CLMP: variants seen among roughly 807,000 people sequenced by gnomAD.
CLMP encodes the protein CXADR like cell adhesion molecule, also known as CXADR-like membrane protein.
A neutral mutation model predicts 45.2 loss-of-function variants in CLMP; 27 were observed. That is an observed-to-expected ratio of 0.60 (90% confidence interval 0.44 to 0.82). The LOEUF is 0.82. Among genes scored for constraint, CLMP ranks in the 40% least tolerant of loss-of-function variants. The pLI, the probability that CLMP is intolerant of heterozygous loss-of-function variation, is 0.00. For synonymous variants in CLMP, 167 were observed against 171.4 expected, an observed-to-expected ratio of 0.97 and a Z score of 0.20; for missense variants, 403 against 448.4, an observed-to-expected ratio of 0.90 and a Z score of 0.91.
At chr11:123,098,351 G>A (rs968788600) in intron 1 of CLMP, among the ~76,000 whole-genome samples, 5 of 151,422 alleles carry the variant, frequency 3.3e-5, no homozygotes, top group Admixed American at 1.3e-4. Flanking sequence ...CCTTAGCCTC[G>A]TGAGTAGCTG....
chr11:123,183,142 A>G (rs534130360), intron 1 of CLMP, among the ~76,000 whole-genome samples: 2 of 152,230 alleles, frequency 1.3e-5, no homozygotes, highest in South Asian at 4.1e-4. Flanking sequence ...ATTCTGGTTC[A>G]GTGGGTCTGG....
At chr11:123,098,192 CCTTA>C (rs1440405762) in intron 1 of CLMP, among the ~76,000 whole-genome samples, 2 of 152,114 alleles carry the variant, frequency 1.3e-5, no homozygotes, top group Admixed American at 6.6e-5. Context: ...GTCTTTCTTA[CCTTA>C]CTTGGTCTTT....
chr11:123,159,395 C>T (rs933194337), intron 1 of CLMP, among the ~76,000 whole-genome samples: 8 of 152,114 alleles, frequency 5.3e-5, no homozygotes, highest in East Asian at 3.8e-4. Flanking sequence ...GAAACAGGTG[C>T]GGTGGGTGAG....
At chr11:123,102,842 C>T (rs1028695957) in intron 1 of CLMP, among the ~76,000 whole-genome samples, 5 of 151,426 alleles carry the variant, frequency 3.3e-5, no homozygotes, top group Non-Finnish European at 5.9e-5. Context: ...CAGGTGTGAG[C>T]TACCACGCCC....
At chr11:123,094,872 G>T (rs1203310986) in intron 2 of CLMP, among the ~76,000 whole-genome samples, 1 of 152,152 alleles carries the variant, frequency 6.6e-6, no homozygotes, top group Non-Finnish European at 1.5e-5. Flanking sequence ...CTGGGTTCAA[G>T]CAATCTACCC....
At chr11:123,179,840 C>T (rs1203472464) in intron 1 of CLMP, among the ~76,000 whole-genome samples, 2 of 152,222 alleles carry the variant, frequency 1.3e-5, no homozygotes, top group Admixed American at 6.5e-5. Context: ...AAGGAAAGTC[C>T]ACCCTAACTT....
intron 1 of CLMP, among the ~76,000 whole-genome samples, chr11:123,098,701 ATTTT>A (rs1156546713): frequency 1.3e-4 from 15 of 112,650 alleles, no homozygotes; most frequent in African/African-American, 4.5e-4. Flanking sequence ...ATCCTGGCTA[ATTTT>A]TTTTTTTTTT....
intron 1 of CLMP, among the ~76,000 whole-genome samples, chr11:123,120,452 A>C (rs1860798969): frequency 6.6e-6 from 1 of 152,074 alleles, no homozygotes; most frequent in Non-Finnish European, 1.5e-5. Context: ...ATTATAAGAT[A>C]ATTGTTAAAA....
At chr11:123,126,955 A>G (rs1179138401) in intron 1 of CLMP, among the ~76,000 whole-genome samples, 11 of 151,980 alleles carry the variant, frequency 7.2e-5, no homozygotes. Flanking sequence ...TTATAATTGT[A>G]TGAAAAAGAC....
rs528304588 is a variant in CLMP at position 123,079,740 on chromosome 11, C to T, written c.679+3345G>A. ...GATTACAGGCGTGAGCCACTGCACC[C>T]GGCCTGACTGTTGTGTTTTTAAGAA... On this transcript the variant is annotated intron_variant, in intron 5 of 6. Transcript: ENST00000448775. Among the ~76,000 whole-genome samples the T allele has an allele frequency of 5.3e-5, 8 of 152,306 alleles. No individual in the cohort carries two copies. In the East Asian group the frequency reaches 1.2e-3, roughly 22 times the overall value.
chr11:123,185,670 C>G (rs1861825667), intron 1 of CLMP, among the ~76,000 whole-genome samples: 2 of 152,148 alleles, frequency 1.3e-5, no homozygotes, highest in African/African-American at 4.8e-5. Flanking sequence ...TACCAGGCCT[C>G]CGCTGAAAAC....
In CLMP at chr11:123,134,117, A is replaced by G. The variant is rs374152366; in HGVS notation, c.29-36165T>C. On this transcript the variant is annotated intron_variant, in intron 1 of 6. Coordinates refer to ENST00000448775, the MANE Select transcript of CLMP (RefSeq NM_024769.5). Reference sequence around the variant, plus strand: ...TCTACTAAAAATACAAAAATTCGCCAGGCGTGGTGGCACACACCTGTAATC... The same window carrying G: ...TCTACTAAAAATACAAAAATTCGCCGGGCGTGGTGGCACACACCTGTAATC... 2.6e-5 allele frequency among the ~76,000 whole-genome samples: 4 copies of G among 152,060 alleles called. No individual in the cohort carries two copies. The South Asian group carries it at 8.3e-4, about 32-fold the overall frequency.
chr11:123,104,315 A>G (rs1338092136), intron 1 of CLMP, among the ~76,000 whole-genome samples: 1 of 150,592 alleles, frequency 6.6e-6, no homozygotes, highest in Non-Finnish European at 1.5e-5. Context: ...TCCTGGCCTC[A>G]AGTGATCTGC....
chr11:123,080,776 G>A (rs1024267377), intron 5 of CLMP, among the ~76,000 whole-genome samples: 1 of 152,146 alleles, frequency 6.6e-6, no homozygotes, highest in Non-Finnish European at 1.5e-5. Context: ...ACCAAAATAG[G>A]CACAGAATGT....
chr11:123,096,028 G>A (rs1865984153), intron 2 of CLMP, among the ~76,000 whole-genome samples: 1 of 152,094 alleles, frequency 6.6e-6, no homozygotes, highest in Non-Finnish European at 1.5e-5. Flanking sequence ...ATTCAGAACT[G>A]AGAGTATCAA....
In CLMP at chr11:123,092,676, C is replaced by G. The variant is rs559785928; in HGVS notation, c.186+5119G>C. On this transcript the variant is annotated intron_variant, in intron 2 of 6. Coordinates refer to ENST00000448775, the MANE Select transcript of CLMP (RefSeq NM_024769.5). ...ACAGTGATGCAATCTCAGCTCCCTG[C>G]AACCTTCGCCTCCTGGGTTCAAGTG... is the stretch of plus-strand genomic sequence containing the variant. 2.6e-5 allele frequency among the ~76,000 whole-genome samples: 4 copies of G among 152,068 alleles called. No individual in the cohort carries two copies. The South Asian group carries it at 8.3e-4, about 32-fold the overall frequency.
intron 1 of CLMP, among the ~76,000 whole-genome samples, chr11:123,126,005 T>C (rs1860889530): frequency 6.6e-6 from 1 of 152,146 alleles, no homozygotes; most frequent in African/African-American, 2.4e-5. Context: ...GACAACTTCT[T>C]AGCCACACCC....
At position 123,118,929 on chromosome 11, in the gene CLMP, TTTTCTTTCTTTCTTTCTTTCTTTCTTTC is replaced by T. The variant is rs1314714578; in HGVS notation, c.29-21005_29-20978del. Among the ~76,000 whole-genome samples, 751 of 99,364 alleles carry T rather than the reference TTTTCTTTCTTTCTTTCTTTCTTTCTTTC, an allele frequency of 7.6e-3. 16 individuals are homozygous for T. The highest frequency in any genetic ancestry group is 0.016 in the African/African-American group (376 of 23,806). The allele number at this position is 99,364 out of a possible 152,430, so 65.2% of individuals were successfully genotyped here. On this transcript the variant is annotated intron_variant, in intron 1 of 6. Transcript: ENST00000448775. ...CAGGTGATCTTTGCATTTTCTTTTC[TTTTCTTTCTTTCTTTCTTTCTTTCTTTC>T]TTTCTTTCTTTCTTTCTTTCTTTCT... is the stretch of plus-strand genomic sequence containing the variant.
chr11:123,172,678 T>G (rs4259834), intron 1 of CLMP, among the ~76,000 whole-genome samples: 99,001 of 151,872 alleles, frequency 0.65, 33,174 homozygotes, highest in African/African-American at 0.81. Flanking sequence ...TAGAGACAGG[T>G]TTTAGCCGTG....
Sources: allele counts gnomAD v4.1 joint callset (sites outside exome capture counted in the v4.1 genomes callset), GRCh38; gene constraint gnomAD v4.1.1; transcripts MANE v1.5; gene names NCBI Gene and HGNC (gene_info 2026-07-23, HGNC 2026-07-21).